SCAPER: variants seen among roughly 807,000 people sequenced by gnomAD.
SCAPER encodes the protein S phase cyclin A-associated protein in the endoplasmic reticulum.
SCAPER carries 98 observed loss-of-function variants against 182.2 expected under a neutral mutation model. The observed-to-expected ratio is 0.54, with a 90% confidence interval of 0.46 to 0.64. SCAPER has a LOEUF of 0.64. Ranked by LOEUF, SCAPER falls within the 30% of genes least tolerant of loss-of-function variation. SCAPER has a pLI of 0.00. For missense variants in SCAPER, 1,432 were observed against 1,690.0 expected, an observed-to-expected ratio of 0.85 and a Z score of 2.68; for synonymous variants, 605 against 564.6, an observed-to-expected ratio of 1.07 and a Z score of -1.01.
intron 20 of SCAPER, among the ~76,000 whole-genome samples, chr15:76,685,824 G>A (rs898306174): frequency 1.3e-5 from 2 of 152,008 alleles, no homozygotes; most frequent in African/African-American, 4.8e-5. Flanking sequence ...CGAGGATAGG[G>A]AATCCAGAAA....
chr15:76,708,923 A>C (rs575250815), intron 17 of SCAPER, among the ~76,000 whole-genome samples: 59 of 151,964 alleles, frequency 3.9e-4, no homozygotes, highest in African/African-American at 1.3e-3. Context: ...AAAATCAGCC[A>C]GGAGTGGTGA....
chr15:76,691,572 T>C (rs191956867), intron 20 of SCAPER, among the ~76,000 whole-genome samples: 31 of 152,252 alleles, frequency 2.0e-4, no homozygotes, highest in African/African-American at 7.5e-4. Flanking sequence ...AGCAAGACGA[T>C]AGAGAATAAT....
chr15:76,577,004 G>A (rs1022252036), intron 22 of SCAPER: 3 of 152,190 alleles, frequency 2.0e-5, no homozygotes, highest in African/African-American at 4.8e-5. Context: ...GCTGGGCTCG[G>A]AGCCAGTGAA....
chr15:76,462,790 T>C (rs1567189631), intron 25 of SCAPER, among the ~76,000 whole-genome samples: 1 of 152,156 alleles, frequency 6.6e-6, no homozygotes, highest in East Asian at 1.9e-4. Flanking sequence ...GAATGTAGCT[T>C]TGAGAGTAAA....
intron 24 of SCAPER, among the ~76,000 whole-genome samples, chr15:76,495,985 AAGAGAG>A (rs56909440): frequency 1.1e-4 from 5 of 44,248 alleles, no homozygotes; most frequent in African/African-American, 2.8e-4. Flanking sequence ...AAGAAAGCAA[AAGAGAG>A]AGACACACAC....
chr15:76,886,588 G>A (rs548610913), intron 1 of SCAPER, among the ~76,000 whole-genome samples: 1 of 152,324 alleles, frequency 6.6e-6, no homozygotes, highest in South Asian at 2.1e-4. Flanking sequence ...AGCCATTGTG[G>A]AAGATAGTGT....
At chr15:76,751,504 A>C (rs1258846704) in intron 15 of SCAPER, among the ~76,000 whole-genome samples, 1 of 151,862 alleles carries the variant, frequency 6.6e-6, no homozygotes, top group African/African-American at 2.4e-5. Context: ...TCATGAAAAC[A>C]GTATAGTACT....
At chr15:76,808,723 TC>T (rs1448782185) in intron 5 of SCAPER, among the ~76,000 whole-genome samples, 1 of 152,152 alleles carries the variant, frequency 6.6e-6, no homozygotes, top group Non-Finnish European at 1.5e-5. Flanking sequence ...GCTGGCATGC[TC>T]CAGAGATAAA....
At chr15:76,369,969 G>A (rs536232450) in intron 29 of SCAPER, among the ~76,000 whole-genome samples, 1 of 152,340 alleles carries the variant, frequency 6.6e-6, no homozygotes, top group Admixed American at 6.5e-5. Context: ...CTGCTTATAA[G>A]TGTCCGTCAT....
chr15:76,348,974 A>C (rs1205619516), intron 31 of SCAPER: 1 of 319,188 alleles, frequency 3.1e-6, no homozygotes, highest in Admixed American at 4.5e-5. Flanking sequence ...ATATTCAGAC[A>C]TTAACCCCTA....
intron 5 of SCAPER, among the ~76,000 whole-genome samples, chr15:76,824,620 G>A (rs1346439099): frequency 6.6e-6 from 1 of 152,080 alleles, no homozygotes; most frequent in Admixed American, 6.5e-5. Flanking sequence ...GTTACTACTG[G>A]AATAAATAGT....
intron 2 of SCAPER, among the ~76,000 whole-genome samples, chr15:76,880,777 A>C (rs2073483584): frequency 6.6e-6 from 1 of 152,154 alleles, no homozygotes; most frequent in Non-Finnish European, 1.5e-5. Flanking sequence ...TCAAAAAAGA[A>C]AAACACATGT....
intron 5 of SCAPER, among the ~76,000 whole-genome samples, chr15:76,829,553 C>G (rs2068279065): frequency 6.6e-6 from 1 of 152,108 alleles, no homozygotes; most frequent in East Asian, 1.9e-4. Flanking sequence ...TTCCATGGCC[C>G]ATTACTCCAA....
intron 15 of SCAPER, among the ~76,000 whole-genome samples, chr15:76,748,488 A>G (rs948227446): frequency 4.6e-5 from 7 of 152,056 alleles, no homozygotes; most frequent in African/African-American, 1.4e-4. Flanking sequence ...GCAACAAAAA[A>G]AGAGAAATAC....
chr15:76,438,237 G>T (rs1388619875), intron 25 of SCAPER, among the ~76,000 whole-genome samples: 6 of 144,448 alleles, frequency 4.2e-5, no homozygotes, highest in African/African-American at 1.5e-4. Flanking sequence ...AGCCGAGATC[G>T]TGCCATTGCA....
At chr15:76,669,331 A>G (rs772183837) in intron 20 of SCAPER, among the ~76,000 whole-genome samples, 1 of 152,360 alleles carries the variant, frequency 6.6e-6, no homozygotes. Flanking sequence ...TTTATACAGT[A>G]GCACTAACAT....
chr15:76,591,342 T>C (rs906268698), intron 22 of SCAPER, among the ~76,000 whole-genome samples: 2 of 152,130 alleles, frequency 1.3e-5, no homozygotes, highest in Non-Finnish European at 2.9e-5. Flanking sequence ...AAATTACATA[T>C]ATACAATGTC....
chr15:76,361,273 A>G (rs2041396316), intron 29 of SCAPER, among the ~76,000 whole-genome samples: 1 of 152,226 alleles, frequency 6.6e-6, no homozygotes, highest in African/African-American at 2.4e-5. Context: ...CATGGAATTC[A>G]GTCAAGAACG....
chr15:76,454,490 T>C (rs1336335014), intron 25 of SCAPER, among the ~76,000 whole-genome samples: 2 of 152,244 alleles, frequency 1.3e-5, no homozygotes, highest in Non-Finnish European at 2.9e-5. Flanking sequence ...ATTATCATGA[T>C]TTTGTGTTTA....
Sources: allele counts gnomAD v4.1 joint callset (sites outside exome capture counted in the v4.1 genomes callset), GRCh38; gene constraint gnomAD v4.1.1; transcripts MANE v1.5; gene names NCBI Gene and HGNC (gene_info 2026-07-23, HGNC 2026-07-21).